Variants in EPS8 observed in about 807,000 individuals in gnomAD.
EPS8 encodes epidermal growth factor receptor kinase substrate 8.
EPS8 carries 42 observed loss-of-function variants against 103.8 expected under a neutral mutation model. The ratio of observed to expected loss-of-function variants is 0.40; its 90% CI spans 0.32 to 0.52. The LOEUF is 0.52. Ranked by LOEUF, EPS8 falls within the 20% of genes least tolerant of loss-of-function variation. EPS8 has a pLI of 0.40. For missense variants in EPS8, 969 were observed against 1,005.1 expected (o/e 0.96, Z 0.49); for synonymous variants, 344 against 344.6 (o/e 1.00, Z 0.02).
Position 15,654,395 on chromosome 12 carries a change from A to G in EPS8, c.1102-102T>C. On this transcript the variant is annotated intron_variant, in intron 12 of 20. Transcript: ENST00000281172. Reference sequence around the variant, plus strand: ...TGGCAAAAACAAGCACTACTTTTTAATAGTCATATTAACTTTTGATGCTGT... The same window carrying G: ...TGGCAAAAACAAGCACTACTTTTTAGTAGTCATATTAACTTTTGATGCTGT... 4 of 1,024,432 alleles carry G rather than the reference A, an allele frequency of 3.9e-6. No homozygotes were observed. The South Asian group carries it at 5.4e-5, about 14-fold the overall frequency. 63.5% of individuals were successfully genotyped at this position (1,024,432 alleles called of 1,614,324 possible).
At chr12:15,674,577 A>C (rs1945871670) in intron 3 of EPS8, among the ~76,000 whole-genome samples, 1 of 152,230 alleles carries the variant, frequency 6.6e-6, no homozygotes, top group African/African-American at 2.4e-5. Context: ...TACCATTATG[A>C]AAAATAAAAT....
At position 15,725,367 on chromosome 12, in the gene EPS8, G is replaced by A; in HGVS notation, c.-21-42395C>T. On this transcript the variant is annotated intron_variant, in intron 1 of 20. Coordinates refer to ENST00000281172, the MANE Select transcript of EPS8 (RefSeq NM_004447.6). This position sits in a 1 kb window ranked among gnomAD's most constrained non-coding sequence, Gnocchi z 4.5. ...CACACCTGTAATCCCAGCTACTTGG[G>A]AGGCCGAGGCAGGAGGATCACTTGA... Among the ~76,000 whole-genome samples the A allele has an allele frequency of 6.6e-6, 1 of 151,770 alleles. No homozygotes were observed. Among genetic ancestry groups the A allele is most frequent in the South Asian group, 2.1e-4 (1 of 4,814 alleles).
chr12:15,681,496 C>A (rs368989452), intron 2 of EPS8, among the ~76,000 whole-genome samples, 194 bp from the exon 3 acceptor site: 2 of 151,724 alleles, frequency 1.3e-5, no homozygotes, highest in African/African-American at 4.8e-5. Flanking sequence ...ATTGGGAGGC[C>A]GAGGTGGGCA....
intron 11 of EPS8, 64 bp downstream of exon 11, chr12:15,658,433 C>G (rs1945546029): frequency 2.7e-6 from 3 of 1,105,058 alleles, no homozygotes; most frequent in Non-Finnish European, 2.7e-6. Flanking sequence ...TCAGAAACAT[C>G]CTGACTAGAT....
At chr12:15,689,082 A>C (rs1225856049) in intron 1 of EPS8, among the ~76,000 whole-genome samples, 1 of 152,168 alleles carries the variant, frequency 6.6e-6, no homozygotes, top group African/African-American at 2.4e-5. Flanking sequence ...CAGTAACAGA[A>C]GAAGCTAAAA....
In EPS8 at chr12:15,688,422, G is replaced by A. The variant is rs1946125166; in HGVS notation, c.-21-5450C>T. 6.6e-6 allele frequency among the ~76,000 whole-genome samples: 1 copy of A among 152,168 alleles called. No individual in the cohort carries two copies. Among genetic ancestry groups the A allele is most frequent in the African/African-American group, 2.4e-5 (1 of 41,442 alleles). ...GGGCTCCACCCCCATGGACCTAGAT[G>A]AGGACAGGCATTTTTGTTTTCCTGC... On this transcript the variant is annotated intron_variant, in intron 1 of 20. Transcript: ENST00000281172. This position sits in a 1 kb window ranked among gnomAD's most constrained non-coding sequence, Gnocchi z 5.1.
chr12:15,649,494 G>C (rs2135782245), intron 14 of EPS8, among the ~76,000 whole-genome samples: 1 of 152,158 alleles, frequency 6.6e-6, no homozygotes, highest in East Asian at 1.9e-4. Context: ...ACAGTGATGA[G>C]GCCTGAACTA....
chr12:15,724,497 G>A (rs768194824), intron 1 of EPS8, among the ~76,000 whole-genome samples: 3 of 152,130 alleles, frequency 2.0e-5, no homozygotes, highest in Non-Finnish European at 4.4e-5. Flanking sequence ...TTGTAAGGGA[G>A]ACTGTTTACA....
At chr12:15,667,975 CG>C (rs1034640973) in intron 6 of EPS8, among the ~76,000 whole-genome samples, 4 of 151,352 alleles carry the variant, frequency 2.6e-5, no homozygotes, top group Admixed American at 6.6e-5. Context: ...TTTTAGCTCC[CG>C]GGGGGGGCTT....
chr12:15,666,589 C>G, intron 6 of EPS8, 67 bp from the exon 7 acceptor site: 1 of 1,103,616 alleles, frequency 9.1e-7, no homozygotes, highest in Non-Finnish European at 1.4e-6. Flanking sequence ...TAGTTTAAAA[C>G]AGAAAAAGGG....
rs1005118748 is a variant in EPS8 at position 15,749,920 on chromosome 12, T to C, written c.-22+39241A>G. Among the ~76,000 whole-genome samples, 1 of 152,186 alleles carries C rather than the reference T, an allele frequency of 6.6e-6. No homozygotes were observed. The highest frequency in any genetic ancestry group is 2.4e-5 in the African/African-American group (1 of 41,434). On this transcript the variant is annotated intron_variant, in intron 1 of 20. Transcript: ENST00000281172. This position sits in a 1 kb window ranked among gnomAD's most constrained non-coding sequence, Gnocchi z 4.0. Reference sequence around the variant, plus strand: ...TCTAAGAAAAACGAATCTCCTTCTGTAGAATAGTTACACTTCAGAAACCTA... The same window carrying C: ...TCTAAGAAAAACGAATCTCCTTCTGCAGAATAGTTACACTTCAGAAACCTA...
chr12:15,624,149 TG>T, intron 19 of EPS8, 77 bp downstream of exon 19: 1 of 1,144,686 alleles, frequency 8.7e-7, no homozygotes, highest in Non-Finnish European at 1.3e-6. Flanking sequence ...AACAGTTATC[TG>T]TGACATCTAA....
At chr12:15,662,913 A>G (rs545369896) in intron 8 of EPS8, among the ~76,000 whole-genome samples, 14 of 151,890 alleles carry the variant, frequency 9.2e-5, no homozygotes, top group Non-Finnish European at 1.6e-4. Context: ...GATGTTCAAT[A>G]GAGAGAACTG....
chr12:15,743,402 G>GA (rs1436067712), intron 1 of EPS8, among the ~76,000 whole-genome samples: 19 of 152,202 alleles, frequency 1.2e-4, no homozygotes, highest in Admixed American at 4.6e-4. Context: ...CACAGAATTG[G>GA]AAAAAACTAC....
rs7310584 is a variant in EPS8, at chr12:15,624,511, G to A, written c.2045-104C>T. 3.0e-3 allele frequency: 2,333 copies of A among 777,610 alleles called. 47 individuals carry two copies. In the African/African-American group the frequency reaches 0.038, roughly 13 times the overall value. The allele number at this position is 777,610 out of a possible 1,614,324, so 48.2% of individuals were successfully genotyped here. On this transcript the variant is annotated intron_variant, in intron 18 of 20. Coordinates refer to ENST00000281172, the MANE Select transcript of EPS8 (RefSeq NM_004447.6). The stretch of plus-strand genomic sequence containing the variant: ...ATCCTTGACCCCAGTAGGACCTACA[G>A]TCTAGTGTTCCTACCATCTTTCCTC...
At chr12:15,768,114 T>C (rs771236501) in intron 1 of EPS8, among the ~76,000 whole-genome samples, 1 of 152,034 alleles carries the variant, frequency 6.6e-6, no homozygotes, top group Non-Finnish European at 1.5e-5. Flanking sequence ...CAGTTAACTA[T>C]TGAATAATAA....
rs1351308798 is a variant in EPS8 at position 15,752,022 on chromosome 12, T to G, written c.-22+37139A>C. Among the ~76,000 whole-genome samples the G allele has an allele frequency of 3.3e-5, 5 of 152,054 alleles. No individual in the cohort carries two copies. The highest frequency in any genetic ancestry group is 1.2e-4 in the African/African-American group (5 of 41,382). On this transcript the variant is annotated intron_variant, in intron 1 of 20. Transcript: ENST00000281172. This position sits in a 1 kb window ranked among gnomAD's most constrained non-coding sequence, Gnocchi z 4.4. ...CAATACAGGAAATCAGTGACTGGAT[T>G]TGAGGTATAGTTGAGAATTTCATCA...
chr12:15,638,166 C>G (rs1408262414), intron 17 of EPS8, among the ~76,000 whole-genome samples: 1 of 151,798 alleles, frequency 6.6e-6, no homozygotes, highest in Non-Finnish European at 1.5e-5. Context: ...TGGGTATCTA[C>G]TGTTGTAGAG....
chr12:15,732,133 C>T (rs1360012666), intron 1 of EPS8, among the ~76,000 whole-genome samples: 1 of 152,098 alleles, frequency 6.6e-6, no homozygotes, highest in Non-Finnish European at 1.5e-5. Flanking sequence ...TTTCATAAGT[C>T]TATATTAATC....
Sources: gnomAD v4.1 joint callset for allele counts (sites outside exome capture counted in the v4.1 genomes callset) on GRCh38, gnomAD v4.1.1 for gene constraint, Gnocchi (gnomAD v3.1) non-coding constraint, MANE v1.5 for transcripts, NCBI Gene and HGNC (gene_info 2026-07-23, HGNC 2026-07-21) for gene names.